Variants in STPG2 observed in about 807,000 individuals in gnomAD.
STPG2 encodes sperm tail PG-rich repeat containing 2, also known as sperm-tail PG-rich repeat-containing protein 2.
In STPG2, 56 loss-of-function variants were observed where a neutral mutation model predicts 54.2. The observed-to-expected ratio is 1.03, with a 90% CI of 0.83 to 1.29. STPG2 has a LOEUF of 1.29. Among genes scored for constraint, STPG2 ranks in the 50% most tolerant of loss-of-function variants. The pLI is 0.00. For synonymous variants in STPG2, 200 were observed against 181.8 expected (o/e 1.10, Z -0.81); for missense variants, 596 against 544.9 (o/e 1.09, Z -0.93).
chr4:97,648,873 G>C lies in STPG2; in HGVS notation c.1320+63826C>G, dbSNP rs143861170. On this transcript the variant is annotated intron_variant, in intron 10 of 10. Transcript: ENST00000295268. ...TGTCAGCATCTCCTTCTCTGGAAAA[G>C]ACAAGTCTTAATACTCAGGTCAAGC... Among the ~76,000 whole-genome samples, 3 of 152,210 alleles carry C rather than the reference G, an allele frequency of 2.0e-5. No individual in the cohort carries two copies. The East Asian group carries it at 5.8e-4, about 29-fold the overall frequency.
chr4:98,037,022 G>GA (rs1469243821), intron 5 of STPG2, among the ~76,000 whole-genome samples: 1 of 151,866 alleles, frequency 6.6e-6, no homozygotes, highest in Admixed American at 6.6e-5. Flanking sequence ...AATCAATGTC[G>GA]ATTAAATAAT....
chr4:98,113,684 C>CATT (rs1397464156), intron 3 of STPG2, among the ~76,000 whole-genome samples: 1 of 151,564 alleles, frequency 6.6e-6, no homozygotes, highest in Non-Finnish European at 1.5e-5. Flanking sequence ...TTCTTAATAG[C>CATT]ATTATTATTA....
intron 4 of STPG2, among the ~76,000 whole-genome samples, chr4:97,483,663 C>A (rs886435186): frequency 6.6e-6 from 1 of 151,694 alleles, no homozygotes; most frequent in African/African-American, 2.4e-5. Context: ...CTAGACAGGT[C>A]ATGAAGACAT....
At chr4:97,844,553 G>A (rs1728892451) in intron 8 of STPG2, among the ~76,000 whole-genome samples, 1 of 151,926 alleles carries the variant, frequency 6.6e-6, no homozygotes. Context: ...TAGTGATACT[G>A]TTTCCACTAT....
chr4:98,091,534 G>C lies in STPG2; in HGVS notation c.612+14419C>G, dbSNP rs954728569. 3.9e-5 allele frequency among the ~76,000 whole-genome samples: 6 copies of C among 152,002 alleles called. 1 individual carries two copies. The highest frequency in any genetic ancestry group is 6.5e-5 in the Admixed American group (1 of 15,274). ...CTATCATTCCCCAAGCAAAATCAACGCATTTCTCCTTTTAAGCCTCATTGA... is the reference window on the plus strand; with the variant it reads ...CTATCATTCCCCAAGCAAAATCAACCCATTTCTCCTTTTAAGCCTCATTGA... On this transcript the variant is annotated intron_variant, in intron 5 of 10. Transcript: ENST00000295268.
intron 8 of STPG2, among the ~76,000 whole-genome samples, chr4:97,859,397 AT>A (rs1729439332): frequency 6.6e-6 from 1 of 151,108 alleles, no homozygotes; most frequent in South Asian, 2.1e-4. Flanking sequence ...CTGTGTATAA[AT>A]TTTTAGTTTA....
rs138447251 is a variant in STPG2 at position 98,017,188 on chromosome 4, AG to A, written c.613-35871del. Reference sequence around the variant, plus strand: ...TGGCTTGGTGTTAGGACAGGCCTAGAGCGTGGATCTGCAAGTACCGGCTTTT... The same window carrying A: ...TGGCTTGGTGTTAGGACAGGCCTAGACGTGGATCTGCAAGTACCGGCTTTT... On this transcript the variant is annotated intron_variant, in intron 5 of 10. Coordinates refer to ENST00000295268, the MANE Select transcript of STPG2 (RefSeq NM_174952.3). Among the ~76,000 whole-genome samples the A allele has an allele frequency of 1.7e-3, 265 of 152,306 alleles. 2 individuals carry two copies. The highest frequency in any genetic ancestry group is 5.9e-3 in the African/African-American group (247 of 41,574).
At chr4:97,926,490 A>G (rs1010625158) in intron 8 of STPG2, among the ~76,000 whole-genome samples, 4 of 152,176 alleles carry the variant, frequency 2.6e-5, no homozygotes, top group Non-Finnish European at 5.9e-5. Flanking sequence ...CACCATTAGA[A>G]GAACATGCTC....
intron 5 of STPG2, among the ~76,000 whole-genome samples, chr4:98,002,949 G>A (rs1735457491): frequency 6.6e-6 from 1 of 152,018 alleles, no homozygotes; most frequent in Middle Eastern, 3.2e-3. Context: ...TCAATGAGAA[G>A]GATAATATTG....
intron 10 of STPG2, among the ~76,000 whole-genome samples, chr4:97,618,554 C>A (rs1349684255): frequency 1.3e-5 from 2 of 152,038 alleles, no homozygotes; most frequent in Non-Finnish European, 2.9e-5. Context: ...AATGACAAAC[C>A]TTGAATAAAT....
At chr4:97,601,585 A>G (rs1301976144) in intron 10 of STPG2, among the ~76,000 whole-genome samples, 1 of 151,828 alleles carries the variant, frequency 6.6e-6, no homozygotes, top group African/African-American at 2.4e-5. Flanking sequence ...TCTTTAATCC[A>G]TCTTGAGCTG....
chr4:98,077,845 T>C (rs772072420), intron 5 of STPG2, among the ~76,000 whole-genome samples: 2 of 152,174 alleles, frequency 1.3e-5, no homozygotes, highest in African/African-American at 4.8e-5. Flanking sequence ...TGATCTCCTA[T>C]TACACTTAGC....
chr4:97,731,331 T>C (rs776886121), intron 9 of STPG2, among the ~76,000 whole-genome samples: 7 of 152,176 alleles, frequency 4.6e-5, no homozygotes, highest in Non-Finnish European at 8.8e-5. Context: ...AGGTGATGTG[T>C]CCTCAAAGAA....
At chr4:97,694,654 A>T (rs1369170587) in intron 10 of STPG2, among the ~76,000 whole-genome samples, 1 of 151,294 alleles carries the variant, frequency 6.6e-6, no homozygotes, top group Non-Finnish European at 1.5e-5. Context: ...TAAAAAAAAA[A>T]TACAAAAAGT....
chr4:97,638,153 T>C (rs1219870657), intron 10 of STPG2, among the ~76,000 whole-genome samples: 6 of 151,896 alleles, frequency 4.0e-5, no homozygotes, highest in Non-Finnish European at 4.4e-5. Flanking sequence ...GAGATATAGA[T>C]CAATGGAACA....
intron 10 of STPG2, among the ~76,000 whole-genome samples, chr4:97,594,359 C>T (rs1394182361): frequency 6.6e-6 from 1 of 151,948 alleles, no homozygotes; most frequent in African/African-American, 2.4e-5. Flanking sequence ...GAATATAATC[C>T]GAAGTATTAA....
At chr4:97,904,675 T>C (rs955780931) in intron 8 of STPG2, among the ~76,000 whole-genome samples, 1 of 152,146 alleles carries the variant, frequency 6.6e-6, no homozygotes, top group Non-Finnish European at 1.5e-5. Context: ...TGGGAGGACA[T>C]TCAAACCAAA....
At chr4:97,687,057 CA>C (rs1428491544) in intron 10 of STPG2, among the ~76,000 whole-genome samples, 6 of 151,682 alleles carry the variant, frequency 4.0e-5, no homozygotes, top group African/African-American at 1.2e-4. Context: ...TCTCCTGCCT[CA>C]GCCTCCCGAG....
chr4:98,099,175 C>T (rs1738950115), intron 5 of STPG2, among the ~76,000 whole-genome samples: 1 of 152,178 alleles, frequency 6.6e-6, no homozygotes, highest in Non-Finnish European at 1.5e-5. Context: ...ATGTTTACAG[C>T]AGCACTCTTG....
Sources: gnomAD v4.1 joint callset for allele counts (sites outside exome capture counted in the v4.1 genomes callset) on GRCh38, gnomAD v4.1.1 for gene constraint, MANE v1.5 for transcripts, NCBI Gene and HGNC (gene_info 2026-07-23, HGNC 2026-07-21) for gene names.